Variants in ARFGAP3 observed in about 807,000 individuals in gnomAD.
The protein encoded by ARFGAP3 is ADP-ribosylation factor GTPase-activating protein 3.
In ARFGAP3, 72 loss-of-function variants were observed where a neutral mutation model predicts 75.0. That is an observed-to-expected ratio of 0.96 (90% CI 0.79 to 1.17). ARFGAP3 has a LOEUF of 1.17. Ranked by LOEUF, ARFGAP3 falls within the 50% of genes most tolerant of loss-of-function variation. ARFGAP3 has a pLI of 0.00. For missense variants in ARFGAP3, 620 were observed against 626.6 expected, an observed-to-expected ratio of 0.99 and a Z score of 0.11; for synonymous variants, 221 against 217.9, an observed-to-expected ratio of 1.01 and a Z score of -0.13.
At chr22:42,811,695 C>A (rs978255731) in intron 11 of ARFGAP3, among the ~76,000 whole-genome samples, 33 of 152,310 alleles carry the variant, frequency 2.2e-4, no homozygotes, top group African/African-American at 7.9e-4. Flanking sequence ...GAGAGCCTGG[C>A]CTTCAGATCA....
At chr22:42,827,089 C>CAT (rs10654612) in intron 6 of ARFGAP3, 90 bp from the exon 7 acceptor site, 867,584 of 1,511,268 alleles carry the variant, frequency 0.57, 256,089 homozygotes, top group African/African-American at 0.89. Flanking sequence ...CTCAGTGCTA[C>CAT]ATCTTATCCA....
At chr22:42,833,750 C>T (rs1926398108) in intron 5 of ARFGAP3, among the ~76,000 whole-genome samples, 1 of 150,870 alleles carries the variant, frequency 6.6e-6, no homozygotes, top group African/African-American at 2.4e-5. Context: ...GAGCGAAACT[C>T]CATCTCAAAA....
In ARFGAP3 at chr22:42,835,409, T is replaced by C. The variant is rs1926476155; in HGVS notation, c.346A>G (p.Lys116Glu). 1 of 1,614,154 alleles carries C rather than the reference T, an allele frequency of 6.2e-7. No individual in the cohort carries two copies. Among genetic ancestry groups the C allele is most frequent in the East Asian group, 2.2e-5 (1 of 44,878 alleles). Residue 116 changes from lysine (K) to glutamate (E), a missense_variant, in exon 4 of 16, where the codon AAA (lysine) becomes GAA (glutamate). Physicochemically the swap from Lys to Glu is moderately conservative, Grantham distance 56. Coordinates refer to ENST00000263245, the MANE Select transcript of ARFGAP3 (RefSeq NM_014570.5). ...GCTTGAGAGGCGAGCGATTTGATTT[T>C]CTCCCTATAGAGCTGAGCAGCACGA... ...NSRAAQLYRE[K>E]IKSLASQATR...
In ARFGAP3 at chr22:42,807,145, G is replaced by C; in HGVS notation, c.1339C>G (p.Leu447Val). 5 of 1,612,216 alleles carry C rather than the reference G, an allele frequency of 3.1e-6. No individual in the cohort carries two copies. In the South Asian group the frequency reaches 4.4e-5, roughly 14 times the overall value. Reference sequence around the variant, plus strand: ...GAGGAACTTGCCGACAGCCTCTCTAGGCGGGCCCTGGTCTCATACTAGAGA... The same window carrying C: ...GAGGAACTTGCCGACAGCCTCTCTACGCGGGCCCTGGTCTCATACTAGAGA... ...SQADYETRARLERLSASSSIS... is the reference protein window; with the variant it reads ...SQADYETRARVERLSASSSIS... The change falls in exon 14 of 16, where the codon CTA (leucine) becomes GTA (valine). Residue 447 changes from leucine to valine, a missense_variant. Physicochemically the swap from Leu to Val is conservative, Grantham distance 32. Transcript: ENST00000263245.
At position 42,831,789 on chromosome 22, in the gene ARFGAP3, CTTT is replaced by C. The variant is rs765433763; in HGVS notation, c.478-156_478-154del. ...GGCATATCTACTTTTTTCTTGCTTT[CTTT>C]TTTTTTTAGAAACAGGGTCTTGCTC... On this transcript the variant is annotated intron_variant, in intron 5 of 15. Transcript: ENST00000263245. 2.5e-4 allele frequency: 298 copies of C among 1,213,032 alleles called. 1 individual carries two copies. Among genetic ancestry groups the C allele is most frequent in the Admixed American group, 2.9e-4 (9 of 31,298 alleles). 75.1% of individuals were successfully genotyped at this position (1,213,032 alleles called of 1,614,324 possible).
chr22:42,803,495 G>A (rs1924971244), intron 14 of ARFGAP3, among the ~76,000 whole-genome samples: 1 of 152,212 alleles, frequency 6.6e-6, no homozygotes, highest in East Asian at 1.9e-4. Flanking sequence ...CTTTCTGGGA[G>A]GAAACATGCT....
At chr22:42,814,909 G>A (rs1002713237) in intron 11 of ARFGAP3, among the ~76,000 whole-genome samples, 3 of 152,038 alleles carry the variant, frequency 2.0e-5, no homozygotes, top group African/African-American at 7.2e-5. Context: ...TAATATTTTT[G>A]AAATTTTTTG....
At chr22:42,841,461 C>T (rs1926777500) in intron 2 of ARFGAP3, among the ~76,000 whole-genome samples, 1 of 152,140 alleles carries the variant, frequency 6.6e-6, no homozygotes, top group Non-Finnish European at 1.5e-5. Context: ...CCCAACATCA[C>T]GACCAGCAGA....
intron 11 of ARFGAP3, among the ~76,000 whole-genome samples, chr22:42,812,658 A>G (rs1447082809): frequency 6.6e-6 from 1 of 152,252 alleles, no homozygotes; most frequent in Non-Finnish European, 1.5e-5. Flanking sequence ...TTCTTGGCAG[A>G]AAACAAAACG....
Position 42,857,267 on chromosome 22 carries a change from A to G in ARFGAP3, c.-85T>C. ...GGCTACCGCCTCAGCAGGAGCGACG[A>G]GGCCGCGGGGGCGGGGCTGCGCGTA... On this transcript the variant is annotated 5_prime_UTR_variant, in exon 1 of 16. Coordinates refer to ENST00000263245, the MANE Select transcript of ARFGAP3 (RefSeq NM_014570.5). The G allele has an allele frequency of 2.0e-5, 30 of 1,465,720 alleles. No individual in the cohort carries two copies. Among genetic ancestry groups the G allele is most frequent in the Non-Finnish European group, 2.6e-5 (29 of 1,102,098 alleles). The allele number at this position is 1,465,720 out of a possible 1,614,324, so 90.8% of individuals were successfully genotyped here. A position where few individuals can be genotyped will look rare whatever the true frequency, so the allele number is the denominator to read the frequency against.
chr22:42,823,712 A>T lies in ARFGAP3; in HGVS notation c.626-10T>A. On this transcript the variant is annotated splice_polypyrimidine_tract_variant and intron_variant, in intron 7 of 15. Coordinates refer to ENST00000263245, the MANE Select transcript of ARFGAP3 (RefSeq NM_014570.5). ...ATGATAGAGGATACCTCTGCCAAAA[A>T]ATAAAAATTAAAAAGTAAGACCAAT... 6.5e-7 allele frequency: 1 copy of T among 1,545,012 alleles called. No homozygotes were observed. The highest frequency in any genetic ancestry group is 8.7e-7 in the Non-Finnish European group (1 of 1,145,034).
intron 9 of ARFGAP3, among the ~76,000 whole-genome samples, chr22:42,821,081 T>C (rs140734752): frequency 8.5e-5 from 13 of 152,256 alleles, no homozygotes; most frequent in Non-Finnish European, 1.9e-4. Context: ...TCCACCTTCT[T>C]CATTCTCTGA....
In ARFGAP3 at chr22:42,847,619, C is replaced by CCTGAAAACACCTGA; in HGVS notation, c.82_83insTCAGGTGTTTTCAG (p.Cys28PhefsTer16). The CCTGAAAACACCTGA allele has an allele frequency of 6.2e-7, 1 of 1,611,446 alleles. No individual in the cohort carries two copies. The highest frequency in any genetic ancestry group is 2.2e-5 in the East Asian group (1 of 44,820). ...TGCCCAGCTGGGATTTTTGGCACCA[C>CCTGAAAACACCTGA]AATCAAAACACACCTGAAAAAAAAT... On this transcript the variant is annotated frameshift_variant, in exon 2 of 16. Coordinates refer to ENST00000263245, the MANE Select transcript of ARFGAP3 (RefSeq NM_014570.5). LOFTEE classifies it high-confidence loss of function.
intron 4 of ARFGAP3, 28 bp downstream of exon 4, chr22:42,835,334 G>T: frequency 6.2e-7 from 1 of 1,608,982 alleles, no homozygotes; most frequent in Non-Finnish European, 8.5e-7. Flanking sequence ...TGTATCTAAA[G>T]GAAACAATCC....
chr22:42,814,704 C>T (rs1370821821), intron 11 of ARFGAP3, among the ~76,000 whole-genome samples: 5 of 152,204 alleles, frequency 3.3e-5, no homozygotes, highest in Non-Finnish European at 7.3e-5. Context: ...TTCTTACCAA[C>T]CCGGCTACCA....
At chr22:42,854,395 C>T (rs993903508) in intron 1 of ARFGAP3, among the ~76,000 whole-genome samples, 1 of 152,210 alleles carries the variant, frequency 6.6e-6, no homozygotes, top group Non-Finnish European at 1.5e-5. Context: ...GAGGCTGAGA[C>T]AGGCGGATCA....
chr22:42,806,755 C>T (rs1379519924), intron 14 of ARFGAP3, among the ~76,000 whole-genome samples: 1 of 152,180 alleles, frequency 6.6e-6, no homozygotes, highest in Non-Finnish European at 1.5e-5. Context: ...GGGAGCCCGG[C>T]GCTGTCCACC....
chr22:42,853,181 T>C (rs1262367455), intron 1 of ARFGAP3, among the ~76,000 whole-genome samples: 2 of 152,258 alleles, frequency 1.3e-5, no homozygotes, highest in African/African-American at 2.4e-5. Context: ...TTCTTTCTGA[T>C]TCAGTTTAAA....
At chr22:42,852,624 G>A (rs1276151364) in intron 1 of ARFGAP3, among the ~76,000 whole-genome samples, 1 of 152,168 alleles carries the variant, frequency 6.6e-6, no homozygotes, top group Non-Finnish European at 1.5e-5. Context: ...GCCTCCCAAA[G>A]TGCTAGGATT....
Sources: allele counts gnomAD v4.1 joint callset (sites outside exome capture counted in the v4.1 genomes callset), GRCh38; gene constraint gnomAD v4.1.1; transcripts MANE v1.5; gene names NCBI Gene and HGNC (gene_info 2026-07-23, HGNC 2026-07-21).